The following PKHD1 variants were observed in gnomAD, a reference collection of about 807,000 sequenced individuals.
PKHD1 encodes the protein PKHD1 ciliary IPT domain containing fibrocystin/polyductin.
Under a neutral mutation model 412.0 loss-of-function variants are expected in PKHD1, and 291 were observed. That is an observed-to-expected ratio of 0.71 (90% CI 0.64 to 0.78). The LOEUF (loss-of-function observed/expected upper bound fraction) is 0.78. Ranked by LOEUF, PKHD1 falls within the 30% of genes least tolerant of loss-of-function variation. The pLI is 0.00. For synonymous variants in PKHD1, 1,777 were observed against 1,821.5 expected (o/e 0.98, Z 0.62); for missense variants, 4,825 against 4,950.7 (o/e 0.97, Z 0.76).
intron 60 of PKHD1, among the ~76,000 whole-genome samples, chr6:51,725,602 G>A (rs1353686522): frequency 6.6e-6 from 1 of 152,164 alleles, no homozygotes; most frequent in Non-Finnish European, 1.5e-5. Context: ...CTTTCATATG[G>A]AATTAATGGT....
intron 35 of PKHD1, among the ~76,000 whole-genome samples, chr6:51,992,043 C>T (rs1562078961): frequency 6.6e-6 from 1 of 152,236 alleles, no homozygotes; most frequent in Non-Finnish European, 1.5e-5. Flanking sequence ...CCTGCTCTGC[C>T]ACTTTCCAGC....
intron 36 of PKHD1, among the ~76,000 whole-genome samples, chr6:51,940,684 T>C (rs555026077): frequency 3.8e-4 from 57 of 151,778 alleles, no homozygotes; most frequent in African/African-American, 1.3e-3. Flanking sequence ...CTCGGAAGCC[T>C]ACAGGACCAT....
chr6:51,805,776 A>G (rs1763666810), intron 52 of PKHD1, among the ~76,000 whole-genome samples: 1 of 152,080 alleles, frequency 6.6e-6, no homozygotes, highest in Non-Finnish European at 1.5e-5. Context: ...AGTGGGGGAG[A>G]ATGGAGTAGA....
At position 52,046,021 on chromosome 6, in the gene PKHD1, A is replaced by T; in HGVS notation, c.2575T>A (p.Leu859Met). 1.9e-6 allele frequency: 3 copies of T among 1,613,322 alleles called. No homozygotes were observed. Among genetic ancestry groups the T allele is most frequent in the Non-Finnish European group, 2.5e-6 (3 of 1,179,324 alleles). Reference sequence around the variant, plus strand: ...ATACATACCCTGATAAAATTGGGCAAATCCCCAATCTGAGTGGACCAGGAC... The same window carrying T: ...ATACATACCCTGATAAAATTGGGCATATCCCCAATCTGAGTGGACCAGGAC... ...TLSWSTQIGD[L>M]PNFIRVSDEN... is the part of the protein sequence containing the mutation. The change falls in exon 24 of 67, where the codon TTG (leucine) becomes ATG (methionine). Residue 859 changes from leucine to methionine, a missense_variant. By Grantham distance (15) the Leu-to-Met change is conservative. Coordinates refer to ENST00000371117, the MANE Select transcript of PKHD1 (RefSeq NM_138694.4).
chr6:51,697,235 A>C (rs1778911152), intron 60 of PKHD1, among the ~76,000 whole-genome samples: 1 of 152,166 alleles, frequency 6.6e-6, no homozygotes, highest in Non-Finnish European at 1.5e-5. Flanking sequence ...TTGTCCTCTT[A>C]ATGAGTGCTT....
At chr6:51,823,061 G>C (rs759133344) in intron 52 of PKHD1, among the ~76,000 whole-genome samples, 17 of 151,066 alleles carry the variant, frequency 1.1e-4, no homozygotes, top group Non-Finnish European at 2.2e-4. Context: ...AGTTTGTACA[G>C]GTTAAGTAAG....
intron 35 of PKHD1, among the ~76,000 whole-genome samples, chr6:52,009,688 A>G (rs1799557337): frequency 6.6e-6 from 1 of 152,100 alleles, no homozygotes; most frequent in Admixed American, 6.5e-5. Context: ...TTCCCGGGGA[A>G]GGCTGTGGAA....
In PKHD1 at chr6:52,035,628, C is replaced by T; in HGVS notation, c.3191G>A (p.Ser1064Asn). Residue 1064 changes from serine to asparagine, a missense_variant, in exon 28 of 67, where the codon AGC becomes AAC. Coordinates refer to ENST00000371117, the MANE Select transcript of PKHD1 (RefSeq NM_138694.4). Reference sequence around the variant, plus strand: ...TTTGCACTGAATTCTGCTTGAATTGCTTGTAGCGACATTGATGGCACACGA... The same window carrying T: ...TTTGCACTGAATTCTGCTTGAATTGTTTGTAGCGACATTGATGGCACACGA... ...SYSCAINVAT[S>N]NSSRIQCKVP... 6.2e-7 allele frequency: 1 copy of T among 1,613,968 alleles called. No homozygotes were observed. Among genetic ancestry groups the T allele is most frequent in the Non-Finnish European group, 8.5e-7 (1 of 1,179,900 alleles).
intron 35 of PKHD1, among the ~76,000 whole-genome samples, chr6:51,975,375 A>G (rs1194623097): frequency 6.6e-6 from 1 of 152,074 alleles, no homozygotes; most frequent in African/African-American, 2.4e-5. Flanking sequence ...ATTGGAGAAA[A>G]TATTTGCAAA....
chr6:51,917,038 TAAAA>T (rs1407327347), intron 37 of PKHD1, among the ~76,000 whole-genome samples: 1 of 151,512 alleles, frequency 6.6e-6, no homozygotes, highest in African/African-American at 2.4e-5. Context: ...TGGAGAAAAA[TAAAA>T]TAATCCTTGT....
intron 52 of PKHD1, among the ~76,000 whole-genome samples, chr6:51,807,760 A>C (rs1373740333): frequency 3.9e-5 from 6 of 152,026 alleles, no homozygotes; most frequent in Non-Finnish European, 7.4e-5. Context: ...TTCATTCTCG[A>C]ATAGAGACTA....
At chr6:51,736,456 C>A (rs900910411) in intron 60 of PKHD1, among the ~76,000 whole-genome samples, 10 of 152,148 alleles carry the variant, frequency 6.6e-5, no homozygotes, top group African/African-American at 9.7e-5. Flanking sequence ...GCCGTATCCC[C>A]CCCTGCTTGG....
At chr6:51,792,193 C>T (rs1793868308) in intron 52 of PKHD1, among the ~76,000 whole-genome samples, 1 of 152,040 alleles carries the variant, frequency 6.6e-6, no homozygotes, top group Non-Finnish European at 1.5e-5. Flanking sequence ...TATATAAACA[C>T]AACATTTTCA....
In PKHD1 at chr6:52,054,112, G is replaced by A. The variant is rs753208668; in HGVS notation, c.1890C>T (p.Ser630=). 23 of 1,611,782 alleles carry A rather than the reference G, an allele frequency of 1.4e-5. No individual in the cohort carries two copies. Among genetic ancestry groups the A allele is most frequent in the Non-Finnish European group, 1.9e-5 (22 of 1,177,870 alleles). The change falls in exon 20 of 67, where the codon TCC becomes TCT. Residue 630 remains serine (S), a synonymous_variant. Coordinates refer to ENST00000371117, the MANE Select transcript of PKHD1 (RefSeq NM_138694.4). The part of the protein sequence containing the change: ...HMNKILKMIV[S]FTIGFQNMVK... Reference sequence around the variant, plus strand: ...CCATGTTTTGAAAGCCGATTGTGAAGGACACAATCATCTTCAGGATCTTGT... The same window carrying A: ...CCATGTTTTGAAAGCCGATTGTGAAAGACACAATCATCTTCAGGATCTTGT...
At chr6:51,712,883 G>A (rs1780820857) in intron 60 of PKHD1, among the ~76,000 whole-genome samples, 1 of 152,170 alleles carries the variant, frequency 6.6e-6, no homozygotes, top group African/African-American at 2.4e-5. Context: ...ATAAATAATA[G>A]ATAATGATTT....
At chr6:51,620,396 G>C (rs986802221) in intron 66 of PKHD1, among the ~76,000 whole-genome samples, 1 of 151,974 alleles carries the variant, frequency 6.6e-6, no homozygotes, top group Admixed American at 6.6e-5. Context: ...ATGTTCAGTG[G>C]GATACATGCA....
At chr6:51,806,253 C>T (rs1005087436) in intron 52 of PKHD1, among the ~76,000 whole-genome samples, 1 of 151,986 alleles carries the variant, frequency 6.6e-6, no homozygotes, top group African/African-American at 2.4e-5. Context: ...TAGTGGTTCA[C>T]CCAAGAGGCC....
intron 36 of PKHD1, among the ~76,000 whole-genome samples, chr6:51,942,322 T>C (rs1788721976): frequency 6.6e-6 from 1 of 151,656 alleles, no homozygotes; most frequent in African/African-American, 2.4e-5. Context: ...CCAAACAACT[T>C]GACCTTACAG....
intron 35 of PKHD1, among the ~76,000 whole-genome samples, chr6:51,982,375 A>G (rs1795533170): frequency 8.3e-6 from 1 of 120,620 alleles, no homozygotes; most frequent in Non-Finnish European, 1.9e-5. Flanking sequence ...AAAGGCGGGA[A>G]GGGTGGGGAA....
Sources: allele counts gnomAD v4.1 joint callset (sites outside exome capture counted in the v4.1 genomes callset), GRCh38; gene constraint gnomAD v4.1.1; transcripts MANE v1.5; gene names NCBI Gene and HGNC (gene_info 2026-07-23, HGNC 2026-07-21).